LDLRAD3: variants seen among roughly 807,000 people sequenced by gnomAD.
The protein encoded by LDLRAD3 is low-density lipoprotein receptor class A domain-containing protein 3.
Under a neutral mutation model 29.4 loss-of-function variants are expected in LDLRAD3, and 20 were observed. The ratio of observed to expected loss-of-function variants is 0.68; its 90% CI spans 0.48 to 0.99. The LOEUF (loss-of-function observed/expected upper bound fraction) is 0.99. Among genes scored for constraint, LDLRAD3 ranks in the 50% least tolerant of loss-of-function variants. The pLI is 0.00. For synonymous variants in LDLRAD3, 157 were observed against 192.7 expected, an observed-to-expected ratio of 0.81 and a Z score of 1.53; for missense variants, 420 against 454.3, an observed-to-expected ratio of 0.92 and a Z score of 0.69.
chr11:36,030,954 C>G (rs1231126182), intron 1 of LDLRAD3, among the ~76,000 whole-genome samples: 1 of 152,178 alleles, frequency 6.6e-6, no homozygotes, highest in East Asian at 1.9e-4. Flanking sequence ...CAGCAGCTGT[C>G]TGAGTTTTTG....
At position 36,197,797 on chromosome 11, in the gene LDLRAD3, C is replaced by T. The variant is rs1171265971; in HGVS notation, c.455-29288C>T. The T allele has an allele frequency of 1.3e-5, 2 of 151,984 alleles. 1 individual carries two copies. Among genetic ancestry groups the T allele is most frequent in the Admixed American group, 1.3e-4 (2 of 15,248 alleles). 9.4% of individuals were successfully genotyped at this position (151,984 alleles called of 1,614,324 possible). A position where few individuals can be genotyped will look rare whatever the true frequency, so the allele number is the denominator to read the frequency against. On this transcript the variant is annotated intron_variant, in intron 4 of 5. Transcript: ENST00000315571. ...GTATAGTGGCTCATGCTTGTAATCC[C>T]AACGCTTTTGGAAGCTAAGCAGGAG...
chr11:36,202,165 C>T lies in LDLRAD3; in HGVS notation c.455-24920C>T, dbSNP rs535597568. ...GTTCAAGCAATTCTGCCTCAGCCTC[C>T]GGAGTAGCCAGAATAAAAGGTGTGC... On this transcript the variant is annotated intron_variant, in intron 4 of 5. Transcript: ENST00000315571. Among the ~76,000 whole-genome samples, 103 of 151,964 alleles carry T rather than the reference C, an allele frequency of 6.8e-4. 1 individual carries two copies. The highest frequency in any genetic ancestry group is 2.3e-3 in the African/African-American group (95 of 41,422).
At chr11:36,011,742 AC>A (rs532713876) in intron 1 of LDLRAD3, among the ~76,000 whole-genome samples, 2 of 152,188 alleles carry the variant, frequency 1.3e-5, no homozygotes, top group Non-Finnish European at 2.9e-5. Flanking sequence ...AGTTCTCATT[AC>A]CTGGCTTGTC....
chr11:36,221,129 C>G (rs542508059), intron 4 of LDLRAD3, among the ~76,000 whole-genome samples: 1 of 151,998 alleles, frequency 6.6e-6, no homozygotes, highest in Admixed American at 6.6e-5. Context: ...GGGTGGATCA[C>G]TTGAGGTCAG....
At chr11:36,198,388 C>T (rs1299245431) in intron 4 of LDLRAD3, among the ~76,000 whole-genome samples, 12 of 152,186 alleles carry the variant, frequency 7.9e-5, no homozygotes, top group Non-Finnish European at 7.3e-5. Context: ...CACACACACA[C>T]ACACTTTCTC....
intron 1 of LDLRAD3, among the ~76,000 whole-genome samples, chr11:36,027,126 C>T (rs187770652): frequency 2.6e-5 from 4 of 152,234 alleles, no homozygotes; most frequent in East Asian, 1.9e-4. Context: ...TCAGATGTGC[C>T]GTGTATGAGT....
chr11:36,181,163 T>C (rs144039611), intron 4 of LDLRAD3, among the ~76,000 whole-genome samples: 223 of 152,090 alleles, frequency 1.5e-3, no homozygotes, highest in Middle Eastern at 0.01. Context: ...TGGCACCACT[T>C]CAAAACTCTG....
At chr11:36,133,256 G>A (rs920849425) in intron 4 of LDLRAD3, among the ~76,000 whole-genome samples, 14 of 145,928 alleles carry the variant, frequency 9.6e-5, no homozygotes, top group Admixed American at 2.1e-4. Context: ...GGTTGGTCTC[G>A]AACTCCTGGG....
intron 1 of LDLRAD3, among the ~76,000 whole-genome samples, chr11:36,006,136 T>C (rs1028151179): frequency 6.6e-6 from 1 of 152,292 alleles, no homozygotes; most frequent in East Asian, 1.9e-4. Context: ...GAGACCTCAA[T>C]GGTGGGTAGC....
chr11:36,045,691 G>A (rs898326693), intron 2 of LDLRAD3, among the ~76,000 whole-genome samples: 2 of 150,108 alleles, frequency 1.3e-5, no homozygotes, highest in Non-Finnish European at 3.0e-5. Flanking sequence ...CTGTTCTCAT[G>A]ATAGTGAATA....
At chr11:36,080,483 T>C (rs1307443477) in intron 2 of LDLRAD3, among the ~76,000 whole-genome samples, 15 of 152,190 alleles carry the variant, frequency 9.9e-5, no homozygotes. Flanking sequence ...GTTGAGTTGG[T>C]TGAAATCAGG....
chr11:36,107,740 C>T (rs987037527), intron 4 of LDLRAD3, among the ~76,000 whole-genome samples: 2 of 152,120 alleles, frequency 1.3e-5, no homozygotes, highest in African/African-American at 4.8e-5. Context: ...GTAGTAGGCT[C>T]CTCCTTCCAG....
chr11:36,150,017 TGGAAGGTGG>T (rs1176328603), intron 4 of LDLRAD3, among the ~76,000 whole-genome samples: 1 of 151,824 alleles, frequency 6.6e-6, no homozygotes, highest in East Asian at 1.9e-4. Context: ...TAGGATGAGG[TGGAAGGTGG>T]GGTGTCCTTT....
chr11:35,963,637 A>G (rs771971325), intron 1 of LDLRAD3, among the ~76,000 whole-genome samples: 21 of 152,190 alleles, frequency 1.4e-4, no homozygotes, highest in Non-Finnish European at 2.6e-4. Flanking sequence ...TTTCTGTAAC[A>G]TATATACCCA....
At chr11:35,964,271 C>T (rs1019387714) in intron 1 of LDLRAD3, among the ~76,000 whole-genome samples, 10 of 152,088 alleles carry the variant, frequency 6.6e-5, no homozygotes, top group Non-Finnish European at 1.5e-4. Flanking sequence ...TTTTTTGAAT[C>T]CCCTCAAGAT....
At chr11:36,102,899 C>T (rs1252380440) in intron 4 of LDLRAD3, among the ~76,000 whole-genome samples, 1 of 152,094 alleles carries the variant, frequency 6.6e-6, no homozygotes, top group East Asian at 1.9e-4. Context: ...ATGATCCCCA[C>T]CTCCTGGTAT....
At chr11:35,978,138 G>C (rs1451988199) in intron 1 of LDLRAD3, among the ~76,000 whole-genome samples, 1 of 152,166 alleles carries the variant, frequency 6.6e-6, no homozygotes, top group African/African-American at 2.4e-5. Context: ...GATTGACAAT[G>C]GCTTGTGATT....
In LDLRAD3 at chr11:36,213,773, C is replaced by G. The variant is rs74906075; in HGVS notation, c.455-13312C>G. On this transcript the variant is annotated intron_variant, in intron 4 of 5. Transcript: ENST00000315571. This position sits in a 1 kb window ranked among gnomAD's most constrained non-coding sequence, Gnocchi z 4.1. ...TGGACCCAGCCAGACTCCCCTCCAT[C>G]GCATCACAGCTTGGAGGCTCTGTGC... Among the ~76,000 whole-genome samples, 1 of 152,194 alleles carries G rather than the reference C, an allele frequency of 6.6e-6. No homozygotes were observed. The highest frequency in any genetic ancestry group is 1.5e-5 in the Non-Finnish European group (1 of 68,034).
At chr11:36,017,539 T>A (rs1328360833) in intron 1 of LDLRAD3, among the ~76,000 whole-genome samples, 1 of 130,936 alleles carries the variant, frequency 7.6e-6, no homozygotes, top group African/African-American at 3.5e-5. Context: ...TATCATCTTT[T>A]TTTTTTTTTT....
Sources: allele counts gnomAD v4.1 joint callset (sites outside exome capture counted in the v4.1 genomes callset), GRCh38; gene constraint gnomAD v4.1.1; non-coding constraint Gnocchi (gnomAD v3.1); transcripts MANE v1.5; gene names NCBI Gene and HGNC (gene_info 2026-07-23, HGNC 2026-07-21).